GASK1B: variants seen among roughly 807,000 people sequenced by gnomAD.
GASK1B encodes Golgi-associated kinase 1B.
GASK1B carries 34 observed loss-of-function variants against 42.8 expected under a neutral mutation model. That is an observed-to-expected ratio of 0.79 (90% confidence interval 0.60 to 1.06). GASK1B has a LOEUF of 1.06. GASK1B is among the 50% of genes least tolerant of loss of function. The pLI, the probability that GASK1B is intolerant of heterozygous loss-of-function variation, is 0.00. For missense variants in GASK1B, 686 were observed against 661.0 expected, an observed-to-expected ratio of 1.04 and a Z score of -0.42; for synonymous variants, 262 against 259.1, an observed-to-expected ratio of 1.01 and a Z score of -0.11.
chr4:158,155,771 T>C lies in GASK1B; in HGVS notation c.965A>G (p.Asn322Ser). Reference sequence around the variant, plus strand: ...GAGCTTAACAGAAGAATGGGTGTCATTACTTGCTGAAGATAAAGATGCATC... The same window carrying C: ...GAGCTTAACAGAAGAATGGGTGTCACTACTTGCTGAAGATAAAGATGCATC... The part of the protein sequence containing the change: ...LWDASLSSAS[N>S]DTHSSVKLTW... Residue 322 changes from asparagine to serine, a missense_variant, in exon 3 of 5, where the codon AAT becomes AGT. Coordinates refer to ENST00000585682, the MANE Select transcript of GASK1B (RefSeq NM_001128424.2). The C allele has an allele frequency of 6.2e-7, 1 of 1,613,846 alleles. No individual in the cohort carries two copies. The highest frequency in any genetic ancestry group is 1.1e-5 in the South Asian group (1 of 91,078).
chr4:158,170,335 G>A lies in GASK1B; in HGVS notation c.910+131C>T, dbSNP rs749301292. The A allele has an allele frequency of 1.2e-6, 2 of 1,607,336 alleles. No homozygotes were observed. Among genetic ancestry groups the A allele is most frequent in the East Asian group, 2.2e-5 (1 of 44,754 alleles). On this transcript the variant is annotated intron_variant, in intron 2 of 4. Coordinates refer to ENST00000585682, the MANE Select transcript of GASK1B (RefSeq NM_001128424.2). ...GAATGCCAAGCGCATGGAAAGACAC[G>A]CTGCTGCTGCTGCTGTCCAAATGTG...
Position 158,144,965 on chromosome 4 carries a change from T to G in GASK1B, c.1125+10646A>C, listed in dbSNP as rs553120672. Among the ~76,000 whole-genome samples, 3 of 152,290 alleles carry G rather than the reference T, an allele frequency of 2.0e-5. No homozygotes were observed. The South Asian group carries it at 6.2e-4, about 32-fold the overall frequency. ...CCCTGGAGCACCATGTCTCTTGCTG[T>G]CATAGCACCTGACTGTGAGTGTGTT... On this transcript the variant is annotated intron_variant, in intron 3 of 4. Transcript: ENST00000585682.
At chr4:158,131,092 G>A (rs1040263642) in intron 3 of GASK1B, 80 bp from the exon 4 acceptor site, 18 of 1,225,642 alleles carry the variant, frequency 1.5e-5, no homozygotes, top group Admixed American at 6.3e-5. Context: ...AAAGATCAGT[G>A]CTTTCTGAAT....
intron 2 of GASK1B, chr4:158,169,853 T>C (rs1732389749): frequency 5.4e-6 from 1 of 185,816 alleles, no homozygotes; most frequent in Non-Finnish European, 1.1e-5. Context: ...CAATAGATCA[T>C]AGTCAGGGGC....
At chr4:158,159,456 A>G in intron 2 of GASK1B, 1 of 420,958 alleles carries the variant, frequency 2.4e-6, no homozygotes, top group South Asian at 1.7e-5. Flanking sequence ...ACCTGGATGG[A>G]TTTGAAGAGA....
At chr4:158,164,544 T>A (rs1014826133) in intron 2 of GASK1B, among the ~76,000 whole-genome samples, 1 of 152,182 alleles carries the variant, frequency 6.6e-6, no homozygotes, top group Non-Finnish European at 1.5e-5. Context: ...CCAGCTCAAT[T>A]TGATTCATAA....
chr4:158,138,232 C>A (rs1331668068), intron 3 of GASK1B, among the ~76,000 whole-genome samples: 3 of 152,118 alleles, frequency 2.0e-5, no homozygotes, highest in African/African-American at 7.2e-5. Context: ...ACCAGGCAAG[C>A]AACAATCTAT....
At chr4:158,134,634 A>G (rs758559624) in intron 3 of GASK1B, among the ~76,000 whole-genome samples, 2 of 152,226 alleles carry the variant, frequency 1.3e-5, no homozygotes, top group African/African-American at 2.4e-5. Context: ...TTACCTAACT[A>G]AAATTATACT....
In GASK1B at chr4:158,126,135, A is replaced by G. The variant is rs774664926; in HGVS notation, c.*1272T>C. The G allele has an allele frequency of 3.6e-4, 55 of 152,310 alleles. No homozygotes were observed. The highest frequency in any genetic ancestry group is 3.6e-3 in the Admixed American group (55 of 15,288). The allele number at this position is 152,310 out of a possible 1,614,324, so 9.4% of individuals were successfully genotyped here. A position where few individuals can be genotyped will look rare whatever the true frequency, so the allele number is the denominator to read the frequency against. On this transcript the variant is annotated 3_prime_UTR_variant, in exon 5 of 5. Transcript: ENST00000585682. ...AATAAGGAGTAGGATGTGTAAGGGCAGGAAGGTAATGGTAATCTATTCTGA... is the reference window on the plus strand; with the variant it reads ...AATAAGGAGTAGGATGTGTAAGGGCGGGAAGGTAATGGTAATCTATTCTGA...
intron 3 of GASK1B, among the ~76,000 whole-genome samples, chr4:158,136,834 CAT>C (rs1730910742): frequency 6.6e-6 from 1 of 152,136 alleles, no homozygotes; most frequent in South Asian, 2.1e-4. Flanking sequence ...TGCAATAAGA[CAT>C]GTGATTGGTG....
At position 158,161,755 on chromosome 4, in the gene GASK1B, G is replaced by C. The variant is rs189539021; in HGVS notation, c.911-5930C>G. 1.1e-3 allele frequency among the ~76,000 whole-genome samples: 171 copies of C among 152,248 alleles called. 1 individual carries two copies. Among genetic ancestry groups the C allele is most frequent in the Admixed American group, 0.011 (168 of 15,276 alleles). On this transcript the variant is annotated intron_variant, in intron 2 of 4. Transcript: ENST00000585682. ...ATCACATTTTGCAGATGAAATCTTG[G>C]TCACATCAGGGTGACTCAGTCCTGG... is the stretch of plus-strand genomic sequence containing the variant.
chr4:158,142,111 ATT>A, intron 3 of GASK1B, among the ~76,000 whole-genome samples: 1 of 142,252 alleles, frequency 7.0e-6, no homozygotes, highest in Middle Eastern at 3.8e-3. Flanking sequence ...CGCCCGGCTA[ATT>A]TTTTGTATTT....
intron 4 of GASK1B, among the ~76,000 whole-genome samples, chr4:158,128,087 TGAA>T (rs1409864516): frequency 3.9e-5 from 6 of 152,190 alleles, no homozygotes; most frequent in Non-Finnish European, 7.3e-5. Flanking sequence ...GTTACACAAC[TGAA>T]TTTATGTGAA....
At chr4:158,135,392 A>G (rs747508155) in intron 3 of GASK1B, among the ~76,000 whole-genome samples, 38 of 150,802 alleles carry the variant, frequency 2.5e-4, no homozygotes, top group Non-Finnish European at 5.2e-4. Flanking sequence ...GCTAATATTA[A>G]TAATAAAAAT....
chr4:158,172,170 CTT>C (rs1732578401), intron 1 of GASK1B: 3 of 152,128 alleles, frequency 2.0e-5, no homozygotes, highest in South Asian at 2.1e-4. Context: ...CTCTCTCTCT[CTT>C]TCTCTCTCTC....
At chr4:158,158,482 A>G (rs1434051818) in intron 2 of GASK1B, among the ~76,000 whole-genome samples, 1 of 152,086 alleles carries the variant, frequency 6.6e-6, no homozygotes, top group Non-Finnish European at 1.5e-5. Flanking sequence ...TTATGCAAAG[A>G]AAAAAAGCTA....
At chr4:158,133,766 A>G (rs1223427155) in intron 3 of GASK1B, among the ~76,000 whole-genome samples, 2 of 152,328 alleles carry the variant, frequency 1.3e-5, no homozygotes, top group South Asian at 4.1e-4. Flanking sequence ...CCTCCCTGAC[A>G]GACTGTTGTG....
chr4:158,148,921 T>C (rs1281875783), intron 3 of GASK1B, among the ~76,000 whole-genome samples: 1 of 152,170 alleles, frequency 6.6e-6, no homozygotes, highest in Admixed American at 6.5e-5. Context: ...TAGTAGAAAG[T>C]TACAAAGTAA....
chr4:158,125,143 A>T lies in GASK1B; in HGVS notation c.*2264T>A, dbSNP rs1730402587. On this transcript the variant is annotated 3_prime_UTR_variant, in exon 5 of 5. Coordinates refer to ENST00000585682, the MANE Select transcript of GASK1B (RefSeq NM_001128424.2). ...TTAAAAGCCTGGCCTTCGGCTATCC[A>T]TTAGTCAAAAATAATTCATCATGAA... The T allele has an allele frequency of 6.6e-6, 1 of 152,234 alleles. No individual in the cohort carries two copies. The allele number at this position is 152,234 out of a possible 1,614,324, so 9.4% of individuals were successfully genotyped here. A position where few individuals can be genotyped will look rare whatever the true frequency, so the allele number is the denominator to read the frequency against.
Sources: allele counts gnomAD v4.1 joint callset (sites outside exome capture counted in the v4.1 genomes callset), GRCh38; gene constraint gnomAD v4.1.1; transcripts MANE v1.5; gene names NCBI Gene and HGNC (gene_info 2026-07-23, HGNC 2026-07-21).